Variants in TTC7A observed in about 807,000 individuals in gnomAD.
TTC7A encodes the protein tetratricopeptide repeat domain 7A.
In TTC7A, 110 loss-of-function variants were observed where a neutral mutation model predicts 103.7. The ratio of observed to expected loss-of-function variants is 1.06; its 90% CI spans 0.91 to 1.24. The LOEUF (loss-of-function observed/expected upper bound fraction) is 1.24, where lower values mean the gene tolerates loss of function less well. TTC7A is among the 50% of genes most tolerant of loss of function. The pLI, the probability that TTC7A is intolerant of heterozygous loss-of-function variation, is 0.00. For missense variants in TTC7A, 1,340 were observed against 1,116.3 expected (o/e 1.20, Z -2.86); for synonymous variants, 521 against 467.9 (o/e 1.11, Z -1.47).
At chr2:46,976,552 C>G (rs368487501) in intron 4 of TTC7A, among the ~76,000 whole-genome samples, 92 of 152,318 alleles carry the variant, frequency 6.0e-4, no homozygotes, top group African/African-American at 2.2e-3. Flanking sequence ...GTCCAGTACC[C>G]GTTTTTGTGA....
At chr2:47,009,358 G>A (rs1401088614) in intron 10 of TTC7A, among the ~76,000 whole-genome samples, 1 of 152,086 alleles carries the variant, frequency 6.6e-6, no homozygotes, top group Non-Finnish European at 1.5e-5. Flanking sequence ...CACCCTTTCT[G>A]TGGGGTCCTT....
chr2:47,018,880 G>C lies in TTC7A; in HGVS notation c.1393-2982G>C, dbSNP rs543175134. ...AGTGACTTGCCCAAGGTTAGCAAGT[G>C]ACCAGCCTAGGATTTGGACCAGGGT... On this transcript the variant is annotated intron_variant, in intron 11 of 19. Transcript: ENST00000319190. Among the ~76,000 whole-genome samples, 7 of 152,298 alleles carry C rather than the reference G, an allele frequency of 4.6e-5. No individual in the cohort carries two copies. In the East Asian group the frequency reaches 7.7e-4, roughly 17 times the overall value.
At chr2:46,917,176 T>C in intron 1 of TTC7A, 1 of 701,778 alleles carries the variant, frequency 1.4e-6, no homozygotes, top group South Asian at 1.5e-5. Context: ...TTTTTTCTTT[T>C]TTTAAAGAAA....
chr2:47,006,368 T>G (rs1030578383), intron 9 of TTC7A, among the ~76,000 whole-genome samples: 1 of 152,252 alleles, frequency 6.6e-6, no homozygotes, highest in African/African-American at 2.4e-5. Context: ...TTCACAAATC[T>G]TATTCCATTT....
intron 2 of TTC7A, among the ~76,000 whole-genome samples, chr2:46,951,027 C>T (rs1166143254): frequency 6.6e-6 from 1 of 152,114 alleles, no homozygotes; most frequent in Non-Finnish European, 1.5e-5. Flanking sequence ...TCAGGGGGCT[C>T]TCAGGAAAAT....
intron 10 of TTC7A, among the ~76,000 whole-genome samples, chr2:47,009,906 T>G (rs1286394544): frequency 0.067 from 2,204 of 32,722 alleles, no homozygotes; most frequent in Non-Finnish European, 0.089. Context: ...TTTTTTTTGG[T>G]GGTGGGGGGG....
At position 47,006,705 on chromosome 2, in the gene TTC7A, C is replaced by A; in HGVS notation, c.1268C>A (p.Ser423Tyr). Residue 423 changes from serine to tyrosine, a missense_variant, in exon 10 of 20, where the codon TCC becomes TAC. By Grantham distance (144) the Ser-to-Tyr change is moderately radical (BLOSUM62 -2). Transcript: ENST00000319190. ...CACCTTTGGTACCAGGTGGCCCTCT[C>A]CATGGTGGCTTGTGGGAAGGTAAGG... The part of the protein sequence containing the change: ...EFHLWYQVAL[S>Y]MVACGKSAYA... 1 of 1,613,980 alleles carries A rather than the reference C, an allele frequency of 6.2e-7. No homozygotes were observed. Among genetic ancestry groups the A allele is most frequent in the Non-Finnish European group, 8.5e-7 (1 of 1,179,846 alleles).
Position 47,072,823 on chromosome 2 carries a change from C to T in TTC7A, c.2356-879C>T, listed in dbSNP as rs562851610. ...AGGCTGAAAGGGGGCCCTGCCCTCT[C>T]CCTCCACTCACTACCCTGTCCACCC... is the stretch of plus-strand genomic sequence containing the variant. On this transcript the variant is annotated intron_variant, in intron 19 of 19. Transcript: ENST00000319190. Among the ~76,000 whole-genome samples, 1,023 of 152,142 alleles carry T rather than the reference C, an allele frequency of 6.7e-3. 10 individuals are homozygous for T. Among genetic ancestry groups the T allele is most frequent in the African/African-American group, 0.023 (973 of 41,488 alleles).
At chr2:46,932,323 A>G (rs1248882449) in intron 2 of TTC7A, among the ~76,000 whole-genome samples, 1 of 151,890 alleles carries the variant, frequency 6.6e-6, no homozygotes, top group African/African-American at 2.4e-5. Flanking sequence ...TAATTTTTGT[A>G]TTTTTAGTAG....
rs1685152343 is a variant in TTC7A, at chr2:47,075,564, T to TG, written c.*1642dup. 6.6e-6 allele frequency: 1 copy of TG among 152,224 alleles called. No homozygotes were observed. Among genetic ancestry groups the TG allele is most frequent in the Non-Finnish European group, 1.5e-5 (1 of 68,046 alleles). The allele number at this position is 152,224 out of a possible 1,614,324, so 9.4% of individuals were successfully genotyped here. A position where few individuals can be genotyped will look rare whatever the true frequency, so the allele number is the denominator to read the frequency against. On this transcript the variant is annotated 3_prime_UTR_variant, in exon 20 of 20. Transcript: ENST00000319190. ...CCCTTGGAGGGGAAGCAGGCTTGTCTGAAGCAGCATGTATATTCACTGGGC... is the reference window on the plus strand; with the variant it reads ...CCCTTGGAGGGGAAGCAGGCTTGTCTGGAAGCAGCATGTATATTCACTGGGC...
intron 11 of TTC7A, among the ~76,000 whole-genome samples, chr2:47,020,663 A>G (rs1679196136): frequency 6.6e-6 from 1 of 152,212 alleles, no homozygotes; most frequent in Non-Finnish European, 1.5e-5. Flanking sequence ...CCAGGCCATC[A>G]TGCAGCTTTC....
intron 1 of TTC7A, among the ~76,000 whole-genome samples, chr2:46,945,095 A>T (rs150970342): frequency 6.6e-6 from 1 of 152,018 alleles, no homozygotes; most frequent in African/African-American, 2.4e-5. Context: ...GCTTTATTAC[A>T]TATCTGTTCT....
At position 46,994,210 on chromosome 2, in the gene TTC7A, C is replaced by T. The variant is rs1675915120; in HGVS notation, c.844-147C>T. On this transcript the variant is annotated intron_variant, in intron 6 of 19. Coordinates refer to ENST00000319190, the MANE Select transcript of TTC7A (RefSeq NM_020458.4). ...GAGGGACTGAAGGAGCAAGGGGGCT[C>T]CTTGGGAGTGGGGTTGGGGAGTTTA... is the stretch of plus-strand genomic sequence containing the variant. 7.7e-6 allele frequency: 7 copies of T among 911,502 alleles called. No individual in the cohort carries two copies. In the South Asian group the frequency reaches 8.4e-5, roughly 11 times the overall value. 56.5% of individuals were successfully genotyped at this position (911,502 alleles called of 1,614,324 possible).
intron 3 of TTC7A, 139 bp downstream of exon 3, chr2:46,957,146 A>T: frequency 1.8e-6 from 2 of 1,104,364 alleles, no homozygotes; most frequent in Non-Finnish European, 2.6e-6. Flanking sequence ...TCTAAGGTGG[A>T]TGCCGGTGGC....
intron 3 of TTC7A, among the ~76,000 whole-genome samples, chr2:46,971,901 G>A (rs1673389688): frequency 7.0e-6 from 1 of 143,608 alleles, no homozygotes; most frequent in Admixed American, 7.0e-5. Flanking sequence ...CTCTAGTCAG[G>A]TCTATATTAG....
upstream of TTC7A, among the ~76,000 whole-genome samples, chr2:46,940,339 T>G (rs1670223502): frequency 6.6e-6 from 1 of 152,062 alleles, no homozygotes; most frequent in Admixed American, 6.5e-5. This position sits in a 1 kb window ranked among gnomAD's most constrained non-coding sequence, Gnocchi z 4.7. Flanking sequence ...TGCCGGTGGT[T>G]TTTGGTTTCG....
At chr2:47,005,583 G>T (rs917932228) in intron 8 of TTC7A, among the ~76,000 whole-genome samples, 5 of 152,176 alleles carry the variant, frequency 3.3e-5, no homozygotes, top group East Asian at 1.9e-4. Context: ...TAGTTATATA[G>T]AGAGAGGAAC....
intron 19 of TTC7A, among the ~76,000 whole-genome samples, chr2:47,067,636 G>A (rs991910777): frequency 6.6e-6 from 1 of 152,222 alleles, no homozygotes; most frequent in African/African-American, 2.4e-5. Context: ...CATCTGACCT[G>A]GACCTGAGTC....
chr2:46,954,592 A>G (rs1385038671), intron 2 of TTC7A, among the ~76,000 whole-genome samples: 2 of 134,274 alleles, frequency 1.5e-5, no homozygotes, highest in Non-Finnish European at 3.1e-5. Context: ...TTTTTGAGAC[A>G]ACGGAGTCTC....
Sources: gnomAD v4.1 joint callset for allele counts (sites outside exome capture counted in the v4.1 genomes callset) on GRCh38, gnomAD v4.1.1 for gene constraint, Gnocchi (gnomAD v3.1) non-coding constraint, MANE v1.5 for transcripts, NCBI Gene and HGNC (gene_info 2026-07-23, HGNC 2026-07-21) for gene names.